Variants in CUX1 observed in about 807,000 individuals in gnomAD.
CUX1 encodes cut like homeobox 1.
A neutral mutation model predicts 158.8 loss-of-function variants in CUX1; 31 were observed. That is an observed-to-expected ratio of 0.20 (90% CI 0.15 to 0.26). CUX1 has a LOEUF of 0.26. CUX1 is among the 10% of genes least tolerant of loss of function. The pLI is 1.00. For synonymous variants in CUX1, 879 were observed against 862.1 expected, an observed-to-expected ratio of 1.02 and a Z score of -0.34; for missense variants, 1,589 against 2,014.6, an observed-to-expected ratio of 0.79 and a Z score of 4.04.
Position 102,201,976 on chromosome 7 carries a change from A to G in CUX1, c.2679A>G (p.Ser893=). The G allele has an allele frequency of 6.2e-7, 1 of 1,614,098 alleles. No homozygotes were observed. Among genetic ancestry groups the G allele is most frequent in the Non-Finnish European group, 8.5e-7 (1 of 1,180,006 alleles). ...PSAESPYSQS[S]ELSLTGASRS... ...CTGAGTCCCCATACTCCCAGAGCTC[A>G]GAGCTGAGTCTGACCGGGGCCAGCC... Residue 893 remains serine (S), a synonymous_variant, in exon 18 of 24, where the codon TCA becomes TCG. Transcript: ENST00000292535. This position sits in a 1 kb window ranked among gnomAD's most constrained non-coding sequence, Gnocchi z 5.0.
chr7:102,111,884 CGTGG>C, intron 7 of CUX1, 110 bp downstream of exon 7: 1 of 927,726 alleles, frequency 1.1e-6, no homozygotes, highest in Non-Finnish European at 1.7e-6. Flanking sequence ...TCTTCGGGGC[CGTGG>C]GAGCTGCCGG....
chr7:102,070,202 C>T (rs1352172967), intron 3 of CUX1, 137 bp from the exon 4 acceptor site: 4 of 682,562 alleles, frequency 5.9e-6, no homozygotes, highest in African/African-American at 5.4e-5. Flanking sequence ...GCAGGCATTT[C>T]CTCTAAGAGG....
intron 2 of CUX1, among the ~76,000 whole-genome samples, chr7:101,958,464 C>G (rs1207004990): frequency 6.9e-6 from 1 of 145,584 alleles, no homozygotes; most frequent in Non-Finnish European, 1.5e-5. Context: ...TAGGGTGGTC[C>G]TGAGATTTTC....
intron 11 of CUX1, among the ~76,000 whole-genome samples, chr7:102,182,318 T>G: frequency 6.6e-6 from 1 of 152,230 alleles, no homozygotes; most frequent in East Asian, 1.9e-4. Context: ...CTGAGTTGTT[T>G]CCACCCATAC....
At chr7:101,967,734 CAT>C (rs1811411466) in intron 2 of CUX1, among the ~76,000 whole-genome samples, 2 of 152,310 alleles carry the variant, frequency 1.3e-5, no homozygotes, top group Middle Eastern at 3.4e-3. Context: ...TCCCCAGAAA[CAT>C]ATAATCAGAA....
chr7:101,978,467 C>T lies in CUX1; in HGVS notation c.142-49631C>T, dbSNP rs150361057. ...GGATACACCTGGGCTCCCAGCTACA[C>T]GCTGTCACCTTGGCCCAAGCCACTG... On this transcript the variant is annotated intron_variant, in intron 2 of 23. Coordinates refer to ENST00000292535, the MANE Select transcript of CUX1 (RefSeq NM_181552.4). Among the ~76,000 whole-genome samples, 157 of 152,380 alleles carry T rather than the reference C, an allele frequency of 1.0e-3. 1 individual carries two copies. Among genetic ancestry groups the T allele is most frequent in the Middle Eastern group, 3.4e-3 (1 of 294 alleles).
intron 3 of CUX1, among the ~76,000 whole-genome samples, chr7:102,037,354 C>CTT (rs769552921): frequency 1.7e-3 from 241 of 139,454 alleles, no homozygotes; most frequent in African/African-American, 5.8e-3. Context: ...CTTTTCTTTT[C>CTT]TTTTTTTTTT....
At chr7:102,282,959 G>A in intron 22 of CUX1, 1 of 1,284,766 alleles carries the variant, frequency 7.8e-7, no homozygotes, top group Non-Finnish European at 1.1e-6. Context: ...CCATCACATG[G>A]TACACACCCC....
intron 3 of CUX1, among the ~76,000 whole-genome samples, chr7:102,029,102 C>T (rs1177028622): frequency 6.7e-6 from 1 of 149,908 alleles, no homozygotes; most frequent in Non-Finnish European, 1.5e-5. Context: ...AAGTGATTCT[C>T]CTGTCTCAGC....
chr7:102,011,097 G>A (rs530131448), intron 2 of CUX1, among the ~76,000 whole-genome samples: 1 of 151,756 alleles, frequency 6.6e-6, no homozygotes, highest in South Asian at 2.1e-4. Context: ...TGGGCAACAA[G>A]AGCAAAACTC....
At chr7:102,226,101 G>T (rs1208553178) in intron 20 of CUX1, among the ~76,000 whole-genome samples, 3 of 152,202 alleles carry the variant, frequency 2.0e-5, no homozygotes, top group African/African-American at 7.2e-5. Context: ...TCTTTTATCA[G>T]GTTTTATGGG....
intron 2 of CUX1, among the ~76,000 whole-genome samples, chr7:102,016,113 ATTT>A (rs899627086): frequency 6.6e-6 from 1 of 151,996 alleles, no homozygotes; most frequent in African/African-American, 2.4e-5. Context: ...CACCCAGCTA[ATTT>A]TTTTGATTTT....
intron 11 of CUX1, among the ~76,000 whole-genome samples, chr7:102,184,874 A>G (rs1330133084): frequency 1.3e-5 from 2 of 152,058 alleles, no homozygotes; most frequent in African/African-American, 4.8e-5. Flanking sequence ...TTGAACTCCT[A>G]GGCTCAAGCA....
intron 2 of CUX1, among the ~76,000 whole-genome samples, chr7:101,989,765 C>T (rs760118952): frequency 6.6e-6 from 1 of 152,228 alleles, no homozygotes; most frequent in Admixed American, 6.5e-5. Flanking sequence ...CCCCGTCCTT[C>T]CCACCCCTTG....
At chr7:102,113,348 TCTGCCCCAGGTTCAAGTGATTTTC>T (rs1831126879) in intron 7 of CUX1, among the ~76,000 whole-genome samples, 1 of 152,080 alleles carries the variant, frequency 6.6e-6, no homozygotes, top group Non-Finnish European at 1.5e-5. Context: ...AAGTGATTCT[TCTGCCCCAGGTTCAAGTGATTTTC>T]CTGCCTCAGC....
At chr7:102,213,459 G>A (rs1457362590) in intron 20 of CUX1, among the ~76,000 whole-genome samples, 1 of 152,204 alleles carries the variant, frequency 6.6e-6, no homozygotes, top group Non-Finnish European at 1.5e-5. Context: ...CAGCCGGCGA[G>A]GCTGAGGGCT....
chr7:101,934,118 T>A (rs1329418555), intron 2 of CUX1, among the ~76,000 whole-genome samples: 1 of 152,230 alleles, frequency 6.6e-6, no homozygotes, highest in Non-Finnish European at 1.5e-5. Context: ...GTTTCTATCC[T>A]ATGGAACCTT....
At chr7:102,038,240 T>C (rs993018558) in intron 3 of CUX1, among the ~76,000 whole-genome samples, 2 of 152,220 alleles carry the variant, frequency 1.3e-5, no homozygotes, top group East Asian at 3.8e-4. Context: ...TGAAGCATAC[T>C]GTCTAGGGCT....
Position 101,894,693 on chromosome 7 carries a change from T to G in CUX1, c.31-21422T>G, listed in dbSNP as rs952169091. Among the ~76,000 whole-genome samples the G allele has an allele frequency of 1.2e-4, 19 of 152,350 alleles. 1 individual carries two copies. In the East Asian group the frequency reaches 2.5e-3, roughly 20 times the overall value. ...GCAGTTTTTAGGCTTTTGCAGCCAC[T>G]CAGATTCATAACAGCACGCTTCAAT... On this transcript the variant is annotated intron_variant, in intron 1 of 23. Transcript: ENST00000292535.
Sources: allele counts gnomAD v4.1 joint callset (sites outside exome capture counted in the v4.1 genomes callset), GRCh38; gene constraint gnomAD v4.1.1; non-coding constraint Gnocchi (gnomAD v3.1); transcripts MANE v1.5; gene names NCBI Gene and HGNC (gene_info 2026-07-23, HGNC 2026-07-21).